The following CSMD1 variants were observed in gnomAD, a reference collection of about 807,000 sequenced individuals.
The protein encoded by CSMD1 is CUB and sushi domain-containing protein 1.
A neutral mutation model predicts 417.5 loss-of-function variants in CSMD1; 213 were observed. That is an observed-to-expected ratio of 0.51 (90% confidence interval 0.46 to 0.57). The LOEUF (loss-of-function observed/expected upper bound fraction) is 0.57. Ranked by LOEUF, CSMD1 falls within the 20% of genes least tolerant of loss-of-function variation. The pLI is 0.00. For synonymous variants in CSMD1, 2,862 were observed against 1,736.8 expected (o/e 1.65, Z -16.11); for missense variants, 6,923 against 4,529.7 (o/e 1.53, Z -15.17).
chr8:4,192,816 C>T (rs537108721), intron 3 of CSMD1, among the ~76,000 whole-genome samples: 2 of 152,298 alleles, frequency 1.3e-5, no homozygotes, highest in Non-Finnish European at 2.9e-5. Context: ...TCACTCATTA[C>T]TTGTGGTAAA....
At chr8:4,109,802 A>G (rs560056062) in intron 3 of CSMD1, among the ~76,000 whole-genome samples, 2 of 152,310 alleles carry the variant, frequency 1.3e-5, no homozygotes, top group African/African-American at 4.8e-5. Context: ...GAGACTAAAC[A>G]AAAAGGGTGT....
At chr8:3,397,335 G>A (rs1235098921) in intron 16 of CSMD1, among the ~76,000 whole-genome samples, 1 of 152,158 alleles carries the variant, frequency 6.6e-6, no homozygotes, top group Non-Finnish European at 1.5e-5. Context: ...GAGAGGGGAA[G>A]CAATCTTAGC....
At chr8:3,441,620 C>T (rs1428230716) in intron 12 of CSMD1, among the ~76,000 whole-genome samples, 2 of 151,794 alleles carry the variant, frequency 1.3e-5, no homozygotes, top group East Asian at 1.9e-4. Context: ...CTCCTATCAC[C>T]TAATGACATA....
chr8:3,153,047 T>C (rs1016177941), intron 39 of CSMD1, among the ~76,000 whole-genome samples: 6 of 152,162 alleles, frequency 3.9e-5, no homozygotes, highest in African/African-American at 1.4e-4. Context: ...GTGAAGGCTT[T>C]CTAAGTCACA....
rs371623372 is a variant in CSMD1 at position 3,539,479 on chromosome 8, G to C, written c.1344+35466C>G. On this transcript the variant is annotated intron_variant, in intron 10 of 69. Coordinates refer to ENST00000635120, the MANE Select transcript of CSMD1 (RefSeq NM_033225.6). ...GTGTGTTCTAATCTGCATCTCCAGA[G>C]CCTAAAACACAGCTACACATGTGCA... Among the ~76,000 whole-genome samples, 30 of 152,262 alleles carry C rather than the reference G, an allele frequency of 2.0e-4. No individual in the cohort carries two copies. In the East Asian group the frequency reaches 3.3e-3, roughly 17 times the overall value.
At chr8:3,836,682 G>C (rs1802729013) in intron 5 of CSMD1, among the ~76,000 whole-genome samples, 1 of 152,010 alleles carries the variant, frequency 6.6e-6, no homozygotes, top group South Asian at 2.1e-4. Context: ...AATAACCTTT[G>C]TTCAATATGG....
intron 49 of CSMD1, among the ~76,000 whole-genome samples, chr8:3,059,282 C>T (rs1000868842): frequency 6.1e-5 from 9 of 148,376 alleles, no homozygotes; most frequent in Admixed American, 6.0e-4. Context: ...CCTTAAAAAA[C>T]CAGGATAAAC....
At chr8:3,045,024 C>A (rs753176960) in intron 50 of CSMD1, among the ~76,000 whole-genome samples, 1 of 152,106 alleles carries the variant, frequency 6.6e-6, no homozygotes, top group Non-Finnish European at 1.5e-5. Context: ...AAACAATCCC[C>A]CGAATAAAAA....
Position 2,966,654 on chromosome 8 carries a change from A to T in CSMD1, c.9016T>A (p.Trp3006Arg). ...AGCCCTGAGGTCTTGTAGCCTTCCCAGCAGGCATAGATGACCGAGCTGGAG... is the reference window on the plus strand; with the variant it reads ...AGCCCTGAGGTCTTGTAGCCTTCCCTGCAGGCATAGATGACCGAGCTGGAG... ...LFSSSVIYAC[W>R]EGYKTSGLMT... Residue 3006 changes from tryptophan to arginine, a missense_variant, in exon 58 of 70, where the codon TGG (tryptophan) becomes AGG (arginine). Transcript: ENST00000635120. 2 of 1,613,796 alleles carry T rather than the reference A, an allele frequency of 1.2e-6. No homozygotes were observed. Among genetic ancestry groups the T allele is most frequent in the South Asian group, 2.2e-5 (2 of 91,042 alleles).
chr8:3,196,540 C>T (rs1159419782), intron 33 of CSMD1, among the ~76,000 whole-genome samples: 2 of 152,142 alleles, frequency 1.3e-5, no homozygotes, highest in Non-Finnish European at 2.9e-5. Flanking sequence ...ATTACAGATA[C>T]TCTTATACTT....
chr8:4,600,438 A>T (rs564458905), intron 2 of CSMD1, among the ~76,000 whole-genome samples: 1 of 152,336 alleles, frequency 6.6e-6, no homozygotes, highest in South Asian at 2.1e-4. Flanking sequence ...TTCAGAAATA[A>T]ATTCAAGTGA....
intron 10 of CSMD1, among the ~76,000 whole-genome samples, chr8:3,524,063 G>A (rs1362285200): frequency 1.0e-4 from 12 of 116,590 alleles, no homozygotes; most frequent in Admixed American, 6.2e-4. Flanking sequence ...GCACACACAT[G>A]CACACACTTA....
intron 4 of CSMD1, among the ~76,000 whole-genome samples, chr8:4,026,655 T>C (rs1797079770): frequency 6.6e-6 from 1 of 152,234 alleles, no homozygotes; most frequent in South Asian, 2.1e-4. Flanking sequence ...GCTAACACCA[T>C]TAAGATATTA....
chr8:3,078,095 T>A (rs1813820136), intron 49 of CSMD1, among the ~76,000 whole-genome samples: 1 of 152,200 alleles, frequency 6.6e-6, no homozygotes, highest in African/African-American at 2.4e-5. Context: ...ATAGCATTTT[T>A]AAAATGTGTG....
chr8:3,637,646 A>G (rs573930695), intron 7 of CSMD1, among the ~76,000 whole-genome samples: 1 of 152,304 alleles, frequency 6.6e-6, no homozygotes, highest in South Asian at 2.1e-4. Context: ...AAAGTCTATG[A>G]TTCAATCCCC....
intron 3 of CSMD1, among the ~76,000 whole-genome samples, chr8:4,391,837 C>G (rs1351159755): frequency 1.3e-5 from 2 of 152,148 alleles, no homozygotes; most frequent in Non-Finnish European, 2.9e-5. Flanking sequence ...TTCTGGCAAA[C>G]CTGAGTCAAT....
chr8:2,969,104 A>G (rs1424750244), intron 57 of CSMD1, among the ~76,000 whole-genome samples: 3 of 152,168 alleles, frequency 2.0e-5, no homozygotes, highest in Non-Finnish European at 4.4e-5. Context: ...CCTTAGATAT[A>G]GTGCCTTTAA....
intron 1 of CSMD1, among the ~76,000 whole-genome samples, chr8:4,736,957 A>C (rs1264194014): frequency 6.6e-6 from 1 of 152,088 alleles, no homozygotes; most frequent in East Asian, 1.9e-4. Context: ...AAACCATTCC[A>C]TTATTTATTC....
At chr8:3,084,329 G>C (rs570648340) in intron 49 of CSMD1, among the ~76,000 whole-genome samples, 2 of 151,932 alleles carry the variant, frequency 1.3e-5, no homozygotes, top group East Asian at 3.9e-4. Flanking sequence ...TTTGAGACCA[G>C]CCCGAGCAAC....
Sources: gnomAD v4.1 joint callset for allele counts (sites outside exome capture counted in the v4.1 genomes callset) on GRCh38, gnomAD v4.1.1 for gene constraint, MANE v1.5 for transcripts, NCBI Gene and HGNC (gene_info 2026-07-23, HGNC 2026-07-21) for gene names.